Variants in AKAP12 observed in about 807,000 individuals in gnomAD.
The protein encoded by AKAP12 is A-kinase anchoring protein 12.
A neutral mutation model predicts 79.9 loss-of-function variants in AKAP12; 32 were observed. The observed-to-expected ratio is 0.40, with a 90% confidence interval of 0.30 to 0.54. The LOEUF is 0.54. Among genes scored for constraint, AKAP12 ranks in the 20% least tolerant of loss-of-function variants. The pLI, the probability that AKAP12 is intolerant of heterozygous loss-of-function variation, is 0.48. For synonymous variants in AKAP12, 808 were observed against 857.0 expected (o/e 0.94, Z 1.00); for missense variants, 2,074 against 2,177.0 (o/e 0.95, Z 0.94).
chr6:151,344,836 G>A (rs1778046475), intron 3 of AKAP12, among the ~76,000 whole-genome samples: 1 of 151,924 alleles, frequency 6.6e-6, no homozygotes. Flanking sequence ...GCCCAGCCTA[G>A]TTTTTTATTT....
In AKAP12 at chr6:151,350,113, G is replaced by A; in HGVS notation, c.1722G>A (p.Glu574=). ...ESSASSPEEP[E]EITCLEKGLA... ...CTGCCTCATCCCCTGAGGAGCCCGA[G>A]GAGATCACGTGTCTGGAAAAGGGCT... Residue 574 remains glutamate, a synonymous_variant, in exon 4 of 5, where the codon GAG becomes GAA. Coordinates refer to ENST00000402676, the MANE Select transcript of AKAP12 (RefSeq NM_005100.4). The surrounding 1 kb of genome is among the most constrained non-coding windows in gnomAD (Gnocchi z 4.8). 6.2e-7 allele frequency: 1 copy of A among 1,614,060 alleles called. No individual in the cohort carries two copies. Among genetic ancestry groups the A allele is most frequent in the South Asian group, 1.1e-5 (1 of 91,066 alleles).
chr6:151,314,465 CA>C (rs1418935134), intron 3 of AKAP12, among the ~76,000 whole-genome samples: 2 of 152,168 alleles, frequency 1.3e-5, no homozygotes. Context: ...AATCCCTTCA[CA>C]AATGTGGCCA....
chr6:151,350,803 G>T lies in AKAP12; in HGVS notation c.2412G>T (p.Trp804Cys), dbSNP rs772272751. ...PDTEPGKEESWVSIKKFIPGR... is the reference protein window; with the variant it reads ...PDTEPGKEESCVSIKKFIPGR... ...CTGAACCCGGTAAAGAAGAATCCTGGGTCTCAATCAAGAAGTTTATTCCTG... is the reference window on the plus strand; with the variant it reads ...CTGAACCCGGTAAAGAAGAATCCTGTGTCTCAATCAAGAAGTTTATTCCTG... The change falls in exon 4 of 5, where the codon TGG becomes TGT. Residue 804 changes from tryptophan (W) to cysteine (C), a missense_variant. Trp to Cys is a radical substitution (Grantham distance 215). Coordinates refer to ENST00000402676, the MANE Select transcript of AKAP12 (RefSeq NM_005100.4). This position sits in a 1 kb window ranked among gnomAD's most constrained non-coding sequence, Gnocchi z 4.8. 49 of 1,613,972 alleles carry T rather than the reference G, an allele frequency of 3.0e-5. No individual in the cohort carries two copies. The highest frequency in any genetic ancestry group is 3.9e-5 in the Non-Finnish European group (46 of 1,179,942).
At chr6:151,284,290 A>G (rs1776459847) in intron 2 of AKAP12, among the ~76,000 whole-genome samples, 1 of 152,140 alleles carries the variant, frequency 6.6e-6, no homozygotes, top group Admixed American at 6.5e-5. Context: ...TCCTGGCATC[A>G]CTTCCACATT....
chr6:151,241,086 G>C (rs368575778), intron 2 of AKAP12, among the ~76,000 whole-genome samples: 35 of 152,224 alleles, frequency 2.3e-4, no homozygotes, highest in Non-Finnish European at 2.4e-4. Context: ...AGGGGGATCC[G>C]TGGAGAATGG....
intron 3 of AKAP12, 28 bp downstream of exon 3, chr6:151,305,931 G>T: frequency 1.3e-6 from 2 of 1,577,286 alleles, no homozygotes; most frequent in Admixed American, 3.8e-5. Flanking sequence ...GAACTGGAAG[G>T]CACACAGCAC....
intron 2 of AKAP12, among the ~76,000 whole-genome samples, chr6:151,296,369 G>A (rs999593222): frequency 7.2e-5 from 11 of 152,120 alleles, no homozygotes; most frequent in African/African-American, 2.4e-4. Context: ...TAGTTAAAAG[G>A]CCTCCTCATA....
chr6:151,248,086 C>G (rs1368425092), intron 2 of AKAP12, among the ~76,000 whole-genome samples: 2 of 152,102 alleles, frequency 1.3e-5, no homozygotes, highest in East Asian at 3.9e-4. Context: ...TATTGGCTGA[C>G]CATCTATTTG....
intron 2 of AKAP12, among the ~76,000 whole-genome samples, chr6:151,267,942 G>A (rs1410946418): frequency 1.3e-5 from 2 of 152,174 alleles, no homozygotes; most frequent in Non-Finnish European, 2.9e-5. Context: ...GATAGAGTGG[G>A]CTGAATGGTC....
chr6:151,291,058 T>G (rs1776608851), intron 2 of AKAP12, among the ~76,000 whole-genome samples: 1 of 152,184 alleles, frequency 6.6e-6, no homozygotes, highest in Non-Finnish European at 1.5e-5. Context: ...TGATTTACTT[T>G]CCTTTTGAGA....
At chr6:151,331,688 A>G (rs1777669523) in intron 3 of AKAP12, among the ~76,000 whole-genome samples, 1 of 152,030 alleles carries the variant, frequency 6.6e-6, no homozygotes, top group Admixed American at 6.6e-5. Context: ...GATCGAGACC[A>G]TCCTGGCTAA....
intron 2 of AKAP12, among the ~76,000 whole-genome samples, chr6:151,259,418 ATATATATATGTGTGTG>A (rs1211957383): frequency 4.0e-5 from 6 of 149,372 alleles, no homozygotes; most frequent in African/African-American, 1.5e-4. Context: ...TTATATATGT[ATATATATATGTGTGTG>A]TATATATGTG....
At chr6:151,247,974 C>T (rs1797108405) in intron 2 of AKAP12, among the ~76,000 whole-genome samples, 1 of 152,210 alleles carries the variant, frequency 6.6e-6, no homozygotes, top group South Asian at 2.1e-4. Flanking sequence ...CCTGTAGTTT[C>T]TCTCTGCCTA....
Position 151,349,424 on chromosome 6 carries a change from G to T in AKAP12, c.1033G>T (p.Val345Phe). The change falls in exon 4 of 5, where the codon GTT becomes TTT. Residue 345 changes from valine (V) to phenylalanine (F), a missense_variant. By Grantham distance (50) the Val-to-Phe change is conservative. This residue lies in a region of AKAP12 where 1,428 missense variants were observed against 1,451.0 expected (regional missense o/e 0.98). Transcript: ENST00000402676. ...VDTEEDGKAEVASEKLTASEQ... is the reference protein window; with the variant it reads ...VDTEEDGKAEFASEKLTASEQ... ...CACAGAAGAAGACGGAAAGGCAGAG[G>T]TTGCCTCCGAGAAACTGACCGCCTC... The T allele has an allele frequency of 6.2e-7, 1 of 1,610,882 alleles. No homozygotes were observed. Among genetic ancestry groups the T allele is most frequent in the Non-Finnish European group, 8.5e-7 (1 of 1,179,216 alleles).
rs187796643 is a variant in AKAP12 at position 151,334,201 on chromosome 6, A to G, written c.320-14510A>G. ...AGAAGATAGGGAGTTAACTTGAGAC[A>G]TACTATTATGTGCTCCTTTTCTCCC... On this transcript the variant is annotated intron_variant, in intron 3 of 4. Transcript: ENST00000402676. 5.3e-4 allele frequency among the ~76,000 whole-genome samples: 80 copies of G among 152,336 alleles called. No homozygotes were observed. In the East Asian group the frequency reaches 7.5e-3, roughly 14 times the overall value.
chr6:151,297,816 TCCTTAA>T (rs1175802991), intron 2 of AKAP12, among the ~76,000 whole-genome samples: 1 of 152,092 alleles, frequency 6.6e-6, no homozygotes, highest in African/African-American at 2.4e-5. Context: ...TTTGAAACCC[TCCTTAA>T]CAGAAACATG....
chr6:151,295,422 G>A (rs1776703903), intron 2 of AKAP12, among the ~76,000 whole-genome samples: 1 of 152,194 alleles, frequency 6.6e-6, no homozygotes, highest in African/African-American at 2.4e-5. Flanking sequence ...TGAAAATGAT[G>A]AGAAACAGAA....
chr6:151,250,829 A>C (rs1797160621), intron 2 of AKAP12, among the ~76,000 whole-genome samples: 1 of 151,854 alleles, frequency 6.6e-6, no homozygotes, highest in Non-Finnish European at 1.5e-5. Context: ...GATGGTCTCA[A>C]TCTCCTGACC....
At position 151,284,029 on chromosome 6, in the gene AKAP12, T is replaced by G. The variant is rs115182094; in HGVS notation, c.163-21718T>G. On this transcript the variant is annotated intron_variant, in intron 2 of 4. Coordinates refer to ENST00000402676, the MANE Select transcript of AKAP12 (RefSeq NM_005100.4). ...TTTTAGGGTTTGTCTGTGGTCAATT[T>G]ATATCTGATAAAGCGAGCAAGTCTT... Among the ~76,000 whole-genome samples the G allele has an allele frequency of 3.9e-3, 594 of 152,310 alleles. 4 individuals carry two copies. The highest frequency in any genetic ancestry group is 0.013 in the African/African-American group (549 of 41,556).
Sources: allele counts gnomAD v4.1 joint callset (sites outside exome capture counted in the v4.1 genomes callset), GRCh38; gene constraint gnomAD v4.1.1; regional missense constraint gnomAD v4.1.1; non-coding constraint Gnocchi (gnomAD v3.1); transcripts MANE v1.5; gene names NCBI Gene and HGNC (gene_info 2026-07-23, HGNC 2026-07-21).